NCOA1: variants seen among roughly 807,000 people sequenced by gnomAD.
NCOA1 encodes the protein nuclear receptor coactivator 1, also known as Hin-2 protein.
Under a neutral mutation model 150.9 loss-of-function variants are expected in NCOA1, and 35 were observed. The observed-to-expected ratio is 0.23, with a 90% CI of 0.18 to 0.31. The LOEUF (loss-of-function observed/expected upper bound fraction) is 0.31, where lower values mean the gene tolerates loss of function less well. Ranked by LOEUF, NCOA1 falls within the 10% of genes least tolerant of loss-of-function variation. NCOA1 has a pLI of 1.00. For synonymous variants in NCOA1, 590 were observed against 630.0 expected (o/e 0.94, Z 0.95); for missense variants, 1,491 against 1,749.3 (o/e 0.85, Z 2.63).
intron 5 of NCOA1, among the ~76,000 whole-genome samples, chr2:24,664,882 C>A (rs1030702683): frequency 5.9e-5 from 9 of 152,066 alleles, no homozygotes; most frequent in Non-Finnish European, 1.2e-4. Flanking sequence ...CCACTTCTTC[C>A]TATTATATTA....
rs530157413 is a variant in NCOA1, at chr2:24,607,740, T to C, written c.-175+23180T>C. ...TACTTTAGTTTCTTACACTATTTGG[T>C]TTTGGTATTAAGGTTATACTGGCTT... On this transcript the variant is annotated intron_variant, in intron 3 of 22. Transcript: ENST00000348332. 6.0e-4 allele frequency among the ~76,000 whole-genome samples: 92 copies of C among 152,200 alleles called. 2 individuals are homozygous for C. The highest frequency in any genetic ancestry group is 1.7e-3 in the African/African-American group (69 of 41,556).
intron 8 of NCOA1, among the ~76,000 whole-genome samples, chr2:24,683,431 A>G (rs1317113740): frequency 6.6e-6 from 1 of 152,236 alleles, no homozygotes; most frequent in Non-Finnish European, 1.5e-5. Context: ...TGCTCACAGA[A>G]AAAAGAATAG....
intron 11 of NCOA1, among the ~76,000 whole-genome samples, chr2:24,700,143 CTAATAA>C (rs60674114): frequency 0.1 from 14,367 of 143,008 alleles, 828 homozygotes; most frequent in East Asian, 0.19. Flanking sequence ...AACTTCATCG[CTAATAA>C]TAATAATAAT....
chr2:24,497,269 T>C (rs1212485091), intron 1 of NCOA1, among the ~76,000 whole-genome samples: 4 of 152,264 alleles, frequency 2.6e-5, no homozygotes, highest in South Asian at 4.1e-4. Context: ...TTTTTTTTTT[T>C]CTTTCTGGAC....
At chr2:24,615,958 A>C (rs1668855956) in intron 3 of NCOA1, among the ~76,000 whole-genome samples, 1 of 152,222 alleles carries the variant, frequency 6.6e-6, no homozygotes, top group South Asian at 2.1e-4. Context: ...AACTTTTATA[A>C]GGACAGTGTT....
chr2:24,552,691 A>G (rs1449401130), intron 1 of NCOA1, among the ~76,000 whole-genome samples: 1 of 151,994 alleles, frequency 6.6e-6, no homozygotes, highest in African/African-American at 2.4e-5. Context: ...GAGCACAAAA[A>G]TCTTGCATTT....
chr2:24,591,141 A>G (rs1173763295), intron 3 of NCOA1, among the ~76,000 whole-genome samples: 1 of 152,206 alleles, frequency 6.6e-6, no homozygotes, highest in Non-Finnish European at 1.5e-5. Context: ...AGGTACATTA[A>G]AAGTTAGGAA....
intron 1 of NCOA1, among the ~76,000 whole-genome samples, chr2:24,523,322 T>A: frequency 6.6e-6 from 1 of 152,062 alleles, no homozygotes; most frequent in Non-Finnish European, 1.5e-5. Flanking sequence ...AAACTGGGCT[T>A]TTGGCCGGGA....
chr2:24,744,471 T>G (rs2148666625), intron 19 of NCOA1, among the ~76,000 whole-genome samples: 1 of 152,324 alleles, frequency 6.6e-6, no homozygotes, highest in South Asian at 2.1e-4. Flanking sequence ...TGTTTTTAAT[T>G]TCTGTCACCA....
intron 1 of NCOA1, among the ~76,000 whole-genome samples, chr2:24,526,728 T>G (rs80140483): frequency 2.0e-5 from 3 of 151,678 alleles, no homozygotes; most frequent in African/African-American, 7.3e-5. Context: ...AAAAAAAAAT[T>G]AATAAATTCT....
intron 5 of NCOA1, among the ~76,000 whole-genome samples, chr2:24,661,799 T>C (rs1671196671): frequency 1.3e-5 from 2 of 152,222 alleles, no homozygotes; most frequent in Non-Finnish European, 2.9e-5. Flanking sequence ...TGATATGTGA[T>C]GAAACAAGAC....
intron 2 of NCOA1, among the ~76,000 whole-genome samples, chr2:24,565,903 C>T (rs1330105294): frequency 2.0e-5 from 3 of 152,146 alleles, no homozygotes; most frequent in Admixed American, 6.5e-5. Flanking sequence ...AATGCAGTGG[C>T]CCTCAGAAGC....
chr2:24,683,213 T>A, intron 8 of NCOA1, 85 bp downstream of exon 8: 5 of 770,444 alleles, frequency 6.5e-6, no homozygotes, highest in Non-Finnish European at 7.3e-6. Context: ...ATTATTATAT[T>A]TATAATACAC....
chr2:24,729,458 G>A (rs1420458430), intron 16 of NCOA1, 43 bp from the exon 17 acceptor site: 1 of 1,542,154 alleles, frequency 6.5e-7, no homozygotes, highest in Non-Finnish European at 8.9e-7. Context: ...TTACTTATTG[G>A]CAGAAATTTA....
intron 3 of NCOA1, among the ~76,000 whole-genome samples, chr2:24,588,393 C>T (rs182284358): frequency 6.6e-6 from 1 of 152,324 alleles, no homozygotes; most frequent in Admixed American, 6.5e-5. Flanking sequence ...TCTTATCATG[C>T]ACTTGCAGAG....
intron 2 of NCOA1, among the ~76,000 whole-genome samples, chr2:24,583,157 A>G (rs1325778782): frequency 6.6e-6 from 1 of 152,168 alleles, no homozygotes; most frequent in Non-Finnish European, 1.5e-5. Context: ...ATATTTGCAA[A>G]CTATTCTTCT....
intron 3 of NCOA1, among the ~76,000 whole-genome samples, chr2:24,621,308 A>G (rs1407554419): frequency 1.3e-5 from 2 of 151,752 alleles, no homozygotes; most frequent in East Asian, 1.9e-4. Context: ...TATCTGGTAT[A>G]TTTAAAATCT....
rs916781468 is a variant in NCOA1 at position 24,741,767 on chromosome 2, T to G, written c.3304-17T>G. ...ATTATAATAATTTTAGTAAGTGAGT[T>G]TTTTCCTGCTTTTCAGCCACCCCTG... On this transcript the variant is annotated splice_polypyrimidine_tract_variant and intron_variant, in intron 18 of 22. Coordinates refer to ENST00000348332, the MANE Select transcript of NCOA1 (RefSeq NM_003743.5). The G allele has an allele frequency of 1.9e-6, 3 of 1,594,502 alleles. No homozygotes were observed.
intron 2 of NCOA1, among the ~76,000 whole-genome samples, chr2:24,583,336 A>G (rs1667277081): frequency 6.6e-6 from 1 of 152,162 alleles, no homozygotes; most frequent in Non-Finnish European, 1.5e-5. Flanking sequence ...AGGGAAATGA[A>G]AATCAAAACC....
Sources: allele counts gnomAD v4.1 joint callset (sites outside exome capture counted in the v4.1 genomes callset), GRCh38; gene constraint gnomAD v4.1.1; transcripts MANE v1.5; gene names NCBI Gene and HGNC (gene_info 2026-07-23, HGNC 2026-07-21).